The following KNTC1 variants were observed in gnomAD, a reference collection of about 807,000 sequenced individuals.
The protein encoded by KNTC1 is kinetochore associated 1, also known as kinetochore-associated protein 1.
In KNTC1, 253 loss-of-function variants were observed where a neutral mutation model predicts 314.4. The ratio of observed to expected loss-of-function variants is 0.80; its 90% confidence interval spans 0.73 to 0.89. The LOEUF is 0.89. Ranked by LOEUF, KNTC1 falls within the 40% of genes least tolerant of loss-of-function variation. The probability of loss-of-function intolerance (pLI) is 0.00; values close to 1 mark genes in which losing one functional copy is unlikely to be tolerated. For synonymous variants in KNTC1, 901 were observed against 901.4 expected, an observed-to-expected ratio of 1.00 and a Z score of 0.01; for missense variants, 2,475 against 2,572.9, an observed-to-expected ratio of 0.96 and a Z score of 0.82.
chr12:122,547,611 T>C (rs1400078012), intron 11 of KNTC1, 81 bp downstream of exon 11: 3 of 911,878 alleles, frequency 3.3e-6, no homozygotes, highest in Non-Finnish European at 5.2e-6. Context: ...GGTCATTTAT[T>C]ATGTTTTACA....
intron 63 of KNTC1, 40 bp from the exon 64 acceptor site, chr12:122,626,165 G>T (rs751156108): frequency 6.9e-7 from 1 of 1,452,392 alleles, no homozygotes; most frequent in Non-Finnish European, 9.5e-7. Flanking sequence ...GAAAAACTAA[G>T]TGACTTATAA....
chr12:122,583,059 C>A, intron 34 of KNTC1, 74 bp downstream of exon 34: 1 of 1,395,692 alleles, frequency 7.2e-7, no homozygotes, highest in Non-Finnish European at 9.7e-7. Flanking sequence ...TACCTGTAAT[C>A]CCAGCAATTT....
At chr12:122,546,575 G>T (rs2137742921) in intron 9 of KNTC1, 47 bp from the exon 10 acceptor site, 1 of 1,205,126 alleles carries the variant, frequency 8.3e-7, no homozygotes, top group East Asian at 2.5e-5. Context: ...TTAGATATAT[G>T]AAATATTGAA....
chr12:122,617,973 T>A (rs1873950189), intron 57 of KNTC1, among the ~76,000 whole-genome samples: 1 of 152,198 alleles, frequency 6.6e-6, no homozygotes, highest in South Asian at 2.1e-4. Context: ...ATTATCTAAT[T>A]TCAGAACATT....
At chr12:122,615,403 G>T in intron 56 of KNTC1, 67 bp from the exon 57 acceptor site, 3 of 1,274,250 alleles carry the variant, frequency 2.4e-6, no homozygotes, top group East Asian at 5.1e-5. Context: ...TTTAACATCT[G>T]GTATTTCACA....
chr12:122,546,797 C>T, intron 10 of KNTC1, 123 bp downstream of exon 10: 1 of 526,346 alleles, frequency 1.9e-6, no homozygotes, highest in Non-Finnish European at 3.3e-6. Context: ...TGCTTTTTTT[C>T]AGTATATGTA....
At chr12:122,608,361 C>T (rs559609744) in intron 51 of KNTC1, among the ~76,000 whole-genome samples, 5 of 152,284 alleles carry the variant, frequency 3.3e-5, no homozygotes, top group African/African-American at 4.8e-5. Flanking sequence ...AACTCCTGAG[C>T]TTAGGTGATT....
intron 2 of KNTC1, among the ~76,000 whole-genome samples, chr12:122,531,321 C>T (rs115777995): frequency 0.051 from 7,786 of 152,080 alleles, 643 homozygotes; most frequent in African/African-American, 0.18. Flanking sequence ...ATTCTCCTGT[C>T]TCAATTTCCC....
Position 122,539,736 on chromosome 12 carries a change from A to G in KNTC1, c.427A>G (p.Lys143Glu), listed in dbSNP as rs540651987. 7.0e-6 allele frequency: 11 copies of G among 1,573,196 alleles called. No homozygotes were observed. The highest frequency in any genetic ancestry group is 3.4e-4 in the Middle Eastern group (2 of 5,960). Residue 143 changes from lysine (K) to glutamate (E), a missense_variant, in exon 5 of 64, where the codon AAG (lysine) becomes GAG (glutamate). Physicochemically the swap from Lys to Glu is moderately conservative, Grantham distance 56 (BLOSUM62 1). Coordinates refer to ENST00000333479, the MANE Select transcript of KNTC1 (RefSeq NM_014708.6). ...RRTYQNLVIEKDGSNEGTYYM... is the reference protein window; with the variant it reads ...RRTYQNLVIEEDGSNEGTYYM... ...GACTTACCAGAATCTTGTCATTGAG[A>G]AGGATGGTTCAAATGAAGGTAAGTT...
At chr12:122,545,242 T>C (rs1200805650) in intron 8 of KNTC1, among the ~76,000 whole-genome samples, 1 of 152,174 alleles carries the variant, frequency 6.6e-6, no homozygotes, top group Non-Finnish European at 1.5e-5. Context: ...AATTTATATA[T>C]TAAGAAGTAG....
chr12:122,583,751 G>A (rs1325099783), intron 34 of KNTC1, among the ~76,000 whole-genome samples: 2 of 152,080 alleles, frequency 1.3e-5, no homozygotes, highest in African/African-American at 4.8e-5. Flanking sequence ...GCTTGAACCT[G>A]GGAGGTGGAG....
rs564690172 is a variant in KNTC1 at position 122,590,674 on chromosome 12, A to G, written c.4067A>G (p.Asp1356Gly). 3.3e-5 allele frequency: 54 copies of G among 1,613,722 alleles called. 1 individual carries two copies. In the South Asian group the frequency reaches 5.5e-4, roughly 16 times the overall value. ...LGYCTLLPQKDVFENLWKLID... is the reference protein window; with the variant it reads ...LGYCTLLPQKGVFENLWKLID... ...TACTGCACTCTCTTACCTCAAAAAG[A>G]TGTGTTTGAAAATCTCTGGAAGCTC... The change falls in exon 41 of 64, where the codon GAT becomes GGT. Residue 1356 changes from aspartate to glycine, a missense_variant. By Grantham distance (94) the Asp-to-Gly change is moderately conservative. Transcript: ENST00000333479.
At position 122,604,673 on chromosome 12, in the gene KNTC1, T is replaced by C. The variant is rs778976473; in HGVS notation, c.5175+36T>C. On this transcript the variant is annotated intron_variant, in intron 49 of 63. Transcript: ENST00000333479. ...ACTATCAGATTGGCGGCTTCTCTTC[T>C]TCCTAATTAAATTGTACTAGCTTAA... is the stretch of plus-strand genomic sequence containing the variant. 7 of 1,428,594 alleles carry C rather than the reference T, an allele frequency of 4.9e-6. No homozygotes were observed. In the African/African-American group the frequency reaches 7.1e-5, roughly 14 times the overall value. 88.5% of individuals were successfully genotyped at this position (1,428,594 alleles called of 1,614,324 possible).
chr12:122,540,771 T>A (rs927131706), intron 5 of KNTC1, among the ~76,000 whole-genome samples: 1 of 152,138 alleles, frequency 6.6e-6, no homozygotes, highest in Non-Finnish European at 1.5e-5. Flanking sequence ...GTTTGTTGTT[T>A]TAATAAAAGT....
Position 122,594,338 on chromosome 12 carries a change from T to G in KNTC1, c.4308T>G (p.Leu1436=), listed in dbSNP as rs1290405916. 1 of 1,610,348 alleles carries G rather than the reference T, an allele frequency of 6.2e-7. No homozygotes were observed. Among genetic ancestry groups the G allele is most frequent in the African/African-American group, 1.3e-5 (1 of 74,850 alleles). ...CCAAGAAAGACCTCATTAAAGCTCT[T>G]GTGGAGAATATAGATATGGACACAA... The part of the protein sequence containing the change: ...FLTKKDLIKA[L]VENIDMDTSL... Residue 1436 remains leucine (L), a synonymous_variant, in exon 43 of 64, where the codon CTT becomes CTG. Transcript: ENST00000333479.
intron 30 of KNTC1, 112 bp from the exon 31 acceptor site, chr12:122,577,560 C>A: frequency 1.4e-5 from 15 of 1,049,604 alleles, no homozygotes; most frequent in Non-Finnish European, 1.9e-5. Context: ...GAACCATAAT[C>A]TGTTTTTCCA....
intron 20 of KNTC1, among the ~76,000 whole-genome samples, chr12:122,567,331 A>G (rs528780764): frequency 4.7e-4 from 72 of 152,126 alleles, no homozygotes; most frequent in African/African-American, 1.7e-3. Context: ...CGGCCTCCCA[A>G]AGTGCTGGGA....
chr12:122,623,197 C>T (rs1049041378), intron 62 of KNTC1, among the ~76,000 whole-genome samples: 4 of 152,150 alleles, frequency 2.6e-5, no homozygotes, highest in Non-Finnish European at 5.9e-5. Flanking sequence ...TAGACACTTG[C>T]TCAGAACATT....
chr12:122,535,535 C>T (rs540154779), intron 3 of KNTC1, among the ~76,000 whole-genome samples: 3 of 151,944 alleles, frequency 2.0e-5, no homozygotes, highest in Non-Finnish European at 2.9e-5. Flanking sequence ...TCCAGCTACT[C>T]GGGAGGCTGA....
Sources: gnomAD v4.1 joint callset for allele counts (sites outside exome capture counted in the v4.1 genomes callset) on GRCh38, gnomAD v4.1.1 for gene constraint, MANE v1.5 for transcripts, NCBI Gene and HGNC (gene_info 2026-07-23, HGNC 2026-07-21) for gene names.